STX5: variants seen among roughly 807,000 people sequenced by gnomAD.
STX5 encodes the protein syntaxin 5.
A neutral mutation model predicts 42.9 loss-of-function variants in STX5; 15 were observed. That is an observed-to-expected ratio of 0.35 (90% CI 0.23 to 0.54). The LOEUF is 0.54. Ranked by LOEUF, STX5 falls within the 20% of genes least tolerant of loss-of-function variation. The pLI, the probability that STX5 is intolerant of heterozygous loss-of-function variation, is 0.91. For missense variants in STX5, 430 were observed against 455.0 expected (o/e 0.95, Z 0.50); for synonymous variants, 184 against 173.2 (o/e 1.06, Z -0.49).
At position 62,815,783 on chromosome 11, in the gene STX5, C is replaced by T. The variant is rs568969675; in HGVS notation, c.909-8155G>A. On this transcript the variant is annotated intron_variant, in intron 10 of 10. Transcript: ENST00000294179. ...AACTCCTGACCTCAGGTGATCCGCCCGCTTTGGCCTCCCGAAGTGCTAGGA... is the reference window on the plus strand; with the variant it reads ...AACTCCTGACCTCAGGTGATCCGCCTGCTTTGGCCTCCCGAAGTGCTAGGA... Among the ~76,000 whole-genome samples the T allele has an allele frequency of 7.2e-5, 11 of 152,182 alleles. 1 individual carries two copies. In the East Asian group the frequency reaches 1.9e-3, roughly 27 times the overall value.
intron 10 of STX5, among the ~76,000 whole-genome samples, chr11:62,820,578 G>A (rs900501293): frequency 1.3e-5 from 2 of 149,736 alleles, no homozygotes; most frequent in South Asian, 2.1e-4. Context: ...GGGCAGTGGC[G>A]CGATCTCAGC....
At chr11:62,824,028 G>T in intron 10 of STX5, 138 bp downstream of exon 10, 1 of 1,375,180 alleles carries the variant, frequency 7.3e-7, no homozygotes, top group Non-Finnish European at 1.0e-6. Flanking sequence ...GTGGATGGAA[G>T]CAGGTGAACT....
Position 62,827,567 on chromosome 11 carries a change from A to G in STX5, c.290T>C (p.Met97Thr). The G allele has an allele frequency of 6.2e-7, 1 of 1,614,216 alleles. No homozygotes were observed. The highest frequency in any genetic ancestry group is 8.5e-7 in the Non-Finnish European group (1 of 1,180,038). Residue 97 changes from methionine (M) to threonine (T), a missense_variant, in exon 3 of 11, where the codon ATG becomes ACG. Physicochemically the swap from Met to Thr is moderately conservative, Grantham distance 81. Transcript: ENST00000294179. ...AVRQRSEFTL[M>T]AKRIGKDLSN... is the part of the protein sequence containing the mutation. ...AAAGCTTCTCTCAACTCACTTGGCCATGAGGGTGAATTCACTGCGTTGTCG... is the reference window on the plus strand; with the variant it reads ...AAAGCTTCTCTCAACTCACTTGGCCGTGAGGGTGAATTCACTGCGTTGTCG...
In STX5 at chr11:62,824,806, T is replaced by C. The variant is rs2084776986; in HGVS notation, c.679+230A>G. Among the ~76,000 whole-genome samples the C allele has an allele frequency of 2.0e-5, 3 of 152,152 alleles. No homozygotes were observed. In the South Asian group the frequency reaches 6.2e-4, roughly 31 times the overall value. ...GTGAATAAAGTGTACGAAAAAAAAT[T>C]AGAAATTATCATTATTCTGAATATA... On this transcript the variant is annotated intron_variant, in intron 8 of 10. Transcript: ENST00000294179.
At chr11:62,830,494 G>GCT (rs1367517958) in intron 2 of STX5, 1 of 455,310 alleles carries the variant, frequency 2.2e-6, no homozygotes, top group East Asian at 6.9e-5. Flanking sequence ...CTGCAAGTGA[G>GCT]CTATCATCAC....
chr11:62,827,103 A>T (rs1287363200), intron 5 of STX5, 52 bp downstream of exon 5: 1 of 1,554,934 alleles, frequency 6.4e-7, no homozygotes, highest in Non-Finnish European at 8.8e-7. Flanking sequence ...TGACAGGAAG[A>T]CAGAAGTGAT....
intron 10 of STX5, among the ~76,000 whole-genome samples, chr11:62,812,150 T>A (rs557374875): frequency 5.8e-4 from 84 of 145,020 alleles, no homozygotes; most frequent in Middle Eastern, 3.6e-3. Context: ...CGATCTCAGC[T>A]CACAGCAACC....
At chr11:62,830,512 C>T (rs2084844542) in intron 2 of STX5, 1 of 456,018 alleles carries the variant, frequency 2.2e-6, no homozygotes, top group Non-Finnish European at 4.4e-6. Flanking sequence ...CACACCACTA[C>T]ACTCCAGCCT....
chr11:62,822,117 C>CT (rs1319991266), intron 10 of STX5, among the ~76,000 whole-genome samples: 26 of 152,202 alleles, frequency 1.7e-4, no homozygotes, highest in Admixed American at 6.5e-4. Context: ...AATCCCGGCA[C>CT]TTTGGGAGGC....
chr11:62,813,065 G>T (rs2084635743), intron 10 of STX5, among the ~76,000 whole-genome samples: 1 of 146,052 alleles, frequency 6.8e-6, no homozygotes, highest in East Asian at 2.0e-4. Flanking sequence ...CTGCACTCCA[G>T]CCTGGGTGGC....
At chr11:62,808,822 T>C (rs1475211843) in intron 10 of STX5, among the ~76,000 whole-genome samples, 3 of 152,182 alleles carry the variant, frequency 2.0e-5, no homozygotes, top group Admixed American at 6.5e-5. Context: ...CCTACTAATG[T>C]AATCATCGCA....
At chr11:62,823,524 C>T (rs1051206897) in intron 10 of STX5, among the ~76,000 whole-genome samples, 8 of 151,780 alleles carry the variant, frequency 5.3e-5, no homozygotes, top group Non-Finnish European at 1.0e-4. Flanking sequence ...TTTATTACTC[C>T]CTGAAATTTT....
Position 62,827,134 on chromosome 11 carries a change from TCCTGATGGCTAGTAGCTCA to T in STX5, c.423+2_423+20del. 1 of 1,610,514 alleles carries T rather than the reference TCCTGATGGCTAGTAGCTCA, an allele frequency of 6.2e-7. No individual in the cohort carries two copies. The highest frequency in any genetic ancestry group is 8.5e-7 in the Non-Finnish European group (1 of 1,177,038). ...GTGATCTGATTGGAATGCTGGGCTC[TCCTGATGGCTAGTAGCTCA>T]CCTGTTTGATGATATATGTTAGCTC... On this transcript the variant is annotated splice_donor_variant and splice_donor_5th_base_variant and intron_variant, in intron 5 of 10. Coordinates refer to ENST00000294179, the MANE Select transcript of STX5 (RefSeq NM_003164.5). LOFTEE classifies it high-confidence loss of function.
chr11:62,825,626 G>C, intron 5 of STX5, 87 bp from the exon 6 acceptor site: 1 of 1,209,138 alleles, frequency 8.3e-7, no homozygotes, highest in Non-Finnish European at 1.2e-6. Context: ...TGGTAGGAAG[G>C]ACAAGGTGGA....
chr11:62,808,702 G>T (rs896683879), intron 10 of STX5, among the ~76,000 whole-genome samples: 2 of 152,148 alleles, frequency 1.3e-5, no homozygotes, highest in African/African-American at 4.8e-5. Context: ...GGGGCTCTTG[G>T]AGCCAATGCC....
chr11:62,830,722 G>A (rs975488344), intron 2 of STX5, among the ~76,000 whole-genome samples: 1 of 152,120 alleles, frequency 6.6e-6, no homozygotes, highest in Non-Finnish European at 1.5e-5. Context: ...GCTCTTCCTA[G>A]AACTTGTTCC....
At chr11:62,825,565 A>G (rs1196744286) in intron 5 of STX5, 26 bp from the exon 6 acceptor site, 2 of 1,604,656 alleles carry the variant, frequency 1.2e-6, no homozygotes, top group Non-Finnish European at 1.7e-6. Context: ...AAGGAAAAAC[A>G]AAGTATTAGC....
intron 10 of STX5, among the ~76,000 whole-genome samples, chr11:62,809,801 C>T (rs939508181): frequency 4.1e-5 from 6 of 147,492 alleles, no homozygotes; most frequent in Non-Finnish European, 8.9e-5. Context: ...TCAAATAATT[C>T]GGCAAAAGAA....
At position 62,832,018 on chromosome 11, in the gene STX5, G is replaced by C. The variant is rs1026925732; in HGVS notation, c.-84C>G. 4.2e-6 allele frequency: 2 copies of C among 474,658 alleles called. No individual in the cohort carries two copies. Among genetic ancestry groups the C allele is most frequent in the South Asian group, 3.1e-5 (2 of 64,704 alleles). 29.4% of individuals were successfully genotyped at this position (474,658 alleles called of 1,614,324 possible). Reference sequence around the variant, plus strand: ...CACCGGCCGTCACTGCCTCCTCCCCGAGCACTGAAGCCGCCGAAACCCGAC... The same window carrying C: ...CACCGGCCGTCACTGCCTCCTCCCCCAGCACTGAAGCCGCCGAAACCCGAC... On this transcript the variant is annotated 5_prime_UTR_variant, in exon 1 of 11. Coordinates refer to ENST00000294179, the MANE Select transcript of STX5 (RefSeq NM_003164.5).
Sources: gnomAD v4.1 joint callset for allele counts (sites outside exome capture counted in the v4.1 genomes callset) on GRCh38, gnomAD v4.1.1 for gene constraint, MANE v1.5 for transcripts, NCBI Gene and HGNC (gene_info 2026-07-23, HGNC 2026-07-21) for gene names.